Variants in PLB1 observed in about 807,000 individuals in gnomAD.
The protein encoded by PLB1 is phospholipase B1, also known as phospholipase B1, membrane-associated.
PLB1 carries 242 observed loss-of-function variants against 227.4 expected under a neutral mutation model. The ratio of observed to expected loss-of-function variants is 1.06; its 90% CI spans 0.96 to 1.18. The LOEUF (loss-of-function observed/expected upper bound fraction) is 1.18. PLB1 is among the 50% of genes most tolerant of loss of function. The pLI is 0.00. For synonymous variants in PLB1, 757 were observed against 682.2 expected, an observed-to-expected ratio of 1.11 and a Z score of -1.71; for missense variants, 1,858 against 1,816.3, an observed-to-expected ratio of 1.02 and a Z score of -0.42.
intron 17 of PLB1, among the ~76,000 whole-genome samples, chr2:28,556,085 AC>A (rs1675065849): frequency 6.6e-6 from 1 of 151,192 alleles, no homozygotes; most frequent in East Asian, 1.9e-4. Flanking sequence ...CTGGCCTTGA[AC>A]TCCTGGGCTC....
chr2:28,553,943 AT>A (rs1674624131), intron 17 of PLB1, among the ~76,000 whole-genome samples: 1 of 152,130 alleles, frequency 6.6e-6, no homozygotes, highest in African/African-American at 2.4e-5. Flanking sequence ...AGGAGAGCAA[AT>A]AAATGCTTGG....
chr2:28,523,759 G>A (rs747150546), intron 4 of PLB1, among the ~76,000 whole-genome samples: 9 of 152,304 alleles, frequency 5.9e-5, no homozygotes, highest in Non-Finnish European at 1.2e-4. Context: ...CCTAAGTGAC[G>A]CTTTGTCTTT....
chr2:28,641,268 C>T (rs1285316604), intron 57 of PLB1, among the ~76,000 whole-genome samples: 4 of 152,152 alleles, frequency 2.6e-5, no homozygotes, highest in African/African-American at 9.7e-5. Flanking sequence ...GCGGGTGTCT[C>T]GGGTCACCCA....
intron 9 of PLB1, among the ~76,000 whole-genome samples, chr2:28,536,470 C>T (rs538157909): frequency 4.3e-4 from 66 of 152,270 alleles, no homozygotes; most frequent in Non-Finnish European, 5.0e-4. Flanking sequence ...CCCTTGTAAA[C>T]GTCTCTAGCT....
intron 43 of PLB1, among the ~76,000 whole-genome samples, chr2:28,611,121 G>C (rs1685398072): frequency 6.6e-6 from 1 of 152,092 alleles, no homozygotes; most frequent in Admixed American, 6.5e-5. Flanking sequence ...AAGGGGAGGG[G>C]GAGGAAAGCC....
chr2:28,606,470 G>C, intron 42 of PLB1, 26 bp from the exon 43 acceptor site: 4 of 1,605,266 alleles, frequency 2.5e-6, no homozygotes, highest in South Asian at 1.1e-5. Flanking sequence ...TACTACACCC[G>C]TGTCTCTCTT....
intron 4 of PLB1, among the ~76,000 whole-genome samples, chr2:28,521,297 G>C (rs115101556): frequency 2.2e-3 from 336 of 152,346 alleles, no homozygotes; most frequent in Middle Eastern, 0.01. Flanking sequence ...ACACCCAGAC[G>C]TGGGATTGCT....
chr2:28,632,071 C>T lies in PLB1; in HGVS notation c.3933C>T (p.Tyr1311=), dbSNP rs748013119. 1 of 1,614,138 alleles carries T rather than the reference C, an allele frequency of 6.2e-7. No individual in the cohort carries two copies. Among genetic ancestry groups the T allele is most frequent in the Admixed American group, 1.7e-5 (1 of 60,030 alleles). The change falls in exon 55 of 58, where the codon TAC becomes TAT. Residue 1311 remains tyrosine (Y), a synonymous_variant. Coordinates refer to ENST00000327757, the MANE Select transcript of PLB1 (RefSeq NM_153021.5). ...CCAGTTTCTCCTACTGGCACCAATA[C>T]ACACAGCGTGAGGACTTTGCGGTTG... The part of the protein sequence containing the change: ...GISSFSYWHQ[Y]TQREDFAVVV...
intron 35 of PLB1, 151 bp downstream of exon 35, chr2:28,598,911 G>A (rs1428886641): frequency 2.9e-5 from 20 of 686,326 alleles, no homozygotes; most frequent in Admixed American, 1.8e-4. Context: ...CCCCTGTGAC[G>A]AAGGTTGTAA....
At position 28,563,786 on chromosome 2, in the gene PLB1, G is replaced by A. The variant is rs545952854; in HGVS notation, c.1206+687G>A. 2.6e-5 allele frequency among the ~76,000 whole-genome samples: 4 copies of A among 152,250 alleles called. No homozygotes were observed. In the South Asian group the frequency reaches 8.3e-4, roughly 32 times the overall value. On this transcript the variant is annotated intron_variant, in intron 18 of 57. Coordinates refer to ENST00000327757, the MANE Select transcript of PLB1 (RefSeq NM_153021.5). Reference sequence around the variant, plus strand: ...TTCAACAGCCTCTCATCAGAGTCCAGCTGCTATTCTCTGGGCCAGTAGAAT... The same window carrying A: ...TTCAACAGCCTCTCATCAGAGTCCAACTGCTATTCTCTGGGCCAGTAGAAT...
At chr2:28,597,531 T>C (rs929270346) in intron 33 of PLB1, among the ~76,000 whole-genome samples, 6 of 152,220 alleles carry the variant, frequency 3.9e-5, no homozygotes, top group African/African-American at 1.2e-4. Flanking sequence ...CTGAACCTTC[T>C]ATTGGAATTT....
chr2:28,592,895 A>G, intron 32 of PLB1, 176 bp downstream of exon 32: 3 of 600,356 alleles, frequency 5.0e-6, no homozygotes, highest in Non-Finnish European at 8.7e-6. Context: ...TCAAACGGAT[A>G]TGCAGAGGAA....
In PLB1 at chr2:28,605,851, A is replaced by G. The variant is rs745612079; in HGVS notation, c.2962-2A>G. 8 of 1,611,106 alleles carry G rather than the reference A, an allele frequency of 5.0e-6. No homozygotes were observed. The highest frequency in any genetic ancestry group is 6.8e-6 in the Non-Finnish European group (8 of 1,177,402). On this transcript the variant is annotated splice_acceptor_variant, in intron 41 of 57. Transcript: ENST00000327757. LOFTEE classifies it high-confidence loss of function. The stretch of plus-strand genomic sequence containing the variant: ...TTGAGGGGGTATATTGGTCTCTTTC[A>G]GGATGGGCTCCCAGATACGTCCTTC...
intron 1 of PLB1, among the ~76,000 whole-genome samples, chr2:28,512,718 A>T (rs149222179): frequency 1.4e-5 from 2 of 144,046 alleles, no homozygotes; most frequent in South Asian, 2.2e-4. Context: ...CTGGCATCCT[A>T]GGAGTCACCC....
At chr2:28,505,524 TGG>T (rs761822519) in intron 1 of PLB1, among the ~76,000 whole-genome samples, 1 of 152,230 alleles carries the variant, frequency 6.6e-6, no homozygotes, top group Non-Finnish European at 1.5e-5. Context: ...GTCATGCCTG[TGG>T]GAAAAACTTG....
chr2:28,520,370 ATTT>A (rs751143807), intron 4 of PLB1, among the ~76,000 whole-genome samples: 16 of 152,168 alleles, frequency 1.1e-4, no homozygotes, highest in Non-Finnish European at 1.5e-4. Context: ...AATCTTTTAA[ATTT>A]TTTAAGATAA....
chr2:28,570,429 A>G lies in PLB1; in HGVS notation c.1325-2768A>G, dbSNP rs550661884. 1.2e-4 allele frequency among the ~76,000 whole-genome samples: 18 copies of G among 152,366 alleles called. No homozygotes were observed. In the South Asian group the frequency reaches 1.7e-3, roughly 14 times the overall value. ...GGATAAAAGACCAAAACCACACATC[A>G]TGATCATCTCAATGGATCAGAAAAA... On this transcript the variant is annotated intron_variant, in intron 20 of 57. Coordinates refer to ENST00000327757, the MANE Select transcript of PLB1 (RefSeq NM_153021.5).
intron 14 of PLB1, 140 bp downstream of exon 14, chr2:28,543,408 G>T: frequency 1.1e-6 from 1 of 878,898 alleles, no homozygotes. Context: ...GGATGCTTCT[G>T]TCTCCCGGTG....
At chr2:28,596,589 C>A (rs1342240772) in intron 33 of PLB1, among the ~76,000 whole-genome samples, 1 of 152,206 alleles carries the variant, frequency 6.6e-6, no homozygotes, top group Non-Finnish European at 1.5e-5. Context: ...TAAATTTATA[C>A]TTCTTTTCAA....
Sources: gnomAD v4.1 joint callset for allele counts (sites outside exome capture counted in the v4.1 genomes callset) on GRCh38, gnomAD v4.1.1 for gene constraint, MANE v1.5 for transcripts, NCBI Gene and HGNC (gene_info 2026-07-23, HGNC 2026-07-21) for gene names.